ACBD5: variants seen among roughly 807,000 people sequenced by gnomAD.
ACBD5 encodes the protein acyl-CoA binding domain containing 5.
ACBD5 carries 40 observed loss-of-function variants against 71.8 expected under a neutral mutation model. The observed-to-expected ratio is 0.56, with a 90% CI of 0.43 to 0.72. The LOEUF (loss-of-function observed/expected upper bound fraction) is 0.72. Ranked by LOEUF, ACBD5 falls within the 30% of genes least tolerant of loss-of-function variation. The pLI is 0.00. For missense variants in ACBD5, 559 were observed against 644.5 expected, an observed-to-expected ratio of 0.87 and a Z score of 1.44; for synonymous variants, 229 against 218.6, an observed-to-expected ratio of 1.05 and a Z score of -0.42.
At chr10:27,191,126 G>A (rs1432047541), downstream of ACBD5, among the ~76,000 whole-genome samples, 2 of 152,134 alleles carry the variant, frequency 1.3e-5, no homozygotes, top group Non-Finnish European at 2.9e-5. Context: ...ATTATTCAGC[G>A]CTAAGAAGAA....
At chr10:27,189,757 A>C (rs946680502) in intron 13 of ACBD5, among the ~76,000 whole-genome samples, 8 of 108,584 alleles carry the variant, frequency 7.4e-5, no homozygotes, top group Non-Finnish European at 1.5e-4. Flanking sequence ...CTAGAACTTA[A>C]AGTATAATAA....
At chr10:27,188,127 A>G (rs1238530150) in intron 13 of ACBD5, among the ~76,000 whole-genome samples, 2 of 152,250 alleles carry the variant, frequency 1.3e-5, no homozygotes, top group African/African-American at 4.8e-5. Context: ...GGTTACAGTG[A>G]AAGATACACC....
At position 27,219,857 on chromosome 10, in the gene ACBD5, T is replaced by C; in HGVS notation, c.491A>G (p.Asp164Gly). The change falls in exon 6 of 13, where the codon GAT becomes GGT. Residue 164 changes from aspartate to glycine, a missense_variant and splice_region_variant. Physicochemically the swap from Asp to Gly is moderately conservative, Grantham distance 94. Coordinates refer to ENST00000396271, the MANE Select transcript of ACBD5 (RefSeq NM_145698.5). Reference sequence around the variant, plus strand: ...AGTAGAAGTGAGAACATTACCAAGATCTAAAACATGAAATGACCACTTACT... The same window carrying C: ...AGTAGAAGTGAGAACATTACCAAGACCTAAAACATGAAATGACCACTTACT... ...KSGRSSDITS[D>G]LGNVLTSTPN... 1 of 1,613,626 alleles carries C rather than the reference T, an allele frequency of 6.2e-7. No individual in the cohort carries two copies. The highest frequency in any genetic ancestry group is 8.5e-7 in the Non-Finnish European group (1 of 1,179,818).
rs1017459271 is a variant in ACBD5 at position 27,240,782 on chromosome 10, C to A, written c.-94G>T. ...TGGCGGAGCAGCCACACCCCCCATT[C>A]CGCCGGAGTCCGTCTGTCAGTCCGT... is the stretch of plus-strand genomic sequence containing the variant. On this transcript the variant is annotated 5_prime_UTR_variant, in exon 1 of 13. Coordinates refer to ENST00000396271, the MANE Select transcript of ACBD5 (RefSeq NM_145698.5). The surrounding 1 kb of genome is among the most constrained non-coding windows in gnomAD (Gnocchi z 4.1). The A allele has an allele frequency of 6.5e-7, 1 of 1,529,094 alleles. No individual in the cohort carries two copies. The highest frequency in any genetic ancestry group is 8.9e-7 in the Non-Finnish European group (1 of 1,128,768). 94.7% of individuals were successfully genotyped at this position (1,529,094 alleles called of 1,614,324 possible). A position where few individuals can be genotyped will look rare whatever the true frequency, so the allele number is the denominator to read the frequency against.
chr10:27,186,090 A>G (rs969085429), intron 13 of ACBD5, among the ~76,000 whole-genome samples: 2 of 152,052 alleles, frequency 1.3e-5, no homozygotes, highest in South Asian at 2.1e-4. Flanking sequence ...CCTCGTCTCA[A>G]AAAAAAAGCT....
chr10:27,217,557 G>A (rs1317628860), intron 7 of ACBD5, among the ~76,000 whole-genome samples: 1 of 152,216 alleles, frequency 6.6e-6, no homozygotes, highest in Non-Finnish European at 1.5e-5. Context: ...GCTCAAACCT[G>A]TAATCCTAGC....
chr10:27,240,824 C>G, upstream of ACBD5: 1 of 1,341,362 alleles, frequency 7.5e-7, no homozygotes, highest in Non-Finnish European at 1.0e-6. The surrounding 1 kb of genome is among the most constrained non-coding windows in gnomAD (Gnocchi z 4.1). Flanking sequence ...CCCACAGCCC[C>G]GCCCCAGAGT....
Position 27,222,593 on chromosome 10 carries a change from C to T in ACBD5, c.490+745G>A, listed in dbSNP as rs145770687. ...TGTTTGTTTTTTTCTTTTTTTGAGACAGCATCTCACTCTGTTGCTCAGGCC... is the reference window on the plus strand; with the variant it reads ...TGTTTGTTTTTTTCTTTTTTTGAGATAGCATCTCACTCTGTTGCTCAGGCC... On this transcript the variant is annotated intron_variant, in intron 5 of 12. Transcript: ENST00000396271. Among the ~76,000 whole-genome samples, 1,494 of 152,100 alleles carry T rather than the reference C, an allele frequency of 9.8e-3. 25 individuals carry two copies. The highest frequency in any genetic ancestry group is 0.034 in the African/African-American group (1,428 of 41,464).
Position 27,228,863 on chromosome 10 carries a change from G to A in ACBD5, c.375+2885C>T, listed in dbSNP as rs531331393. Reference sequence around the variant, plus strand: ...TGAGACAGATTATTGCCGTTACCCAGGCTGGAGTGCAGCGGCGCAATCTCG... The same window carrying A: ...TGAGACAGATTATTGCCGTTACCCAAGCTGGAGTGCAGCGGCGCAATCTCG... On this transcript the variant is annotated intron_variant, in intron 4 of 12. Coordinates refer to ENST00000396271, the MANE Select transcript of ACBD5 (RefSeq NM_145698.5). Among the ~76,000 whole-genome samples, 23 of 114,366 alleles carry A rather than the reference G, an allele frequency of 2.0e-4. 1 individual carries two copies. Among genetic ancestry groups the A allele is most frequent in the African/African-American group, 6.4e-4 (21 of 32,630 alleles). The allele number at this position is 114,366 out of a possible 152,430, so 75.0% of individuals were successfully genotyped here.
chr10:27,195,754 A>C lies in ACBD5; in HGVS notation c.*1676T>G, dbSNP rs556938405. The C allele has an allele frequency of 2.4e-6, 1 of 412,064 alleles. No individual in the cohort carries two copies. Among genetic ancestry groups the C allele is most frequent in the East Asian group, 7.1e-5 (1 of 14,142 alleles). The allele number at this position is 412,064 out of a possible 1,614,324, so 25.5% of individuals were successfully genotyped here. A position where few individuals can be genotyped will look rare whatever the true frequency, so the allele number is the denominator to read the frequency against. On this transcript the variant is annotated 3_prime_UTR_variant, in exon 13 of 13. Transcript: ENST00000396271. ...TAAAGTTATTTGAAAGAAAAAAATA[A>C]GGAAAAAGAGTTTGGGAAAAGTAAA...
chr10:27,226,188 G>A (rs890245213), intron 4 of ACBD5, among the ~76,000 whole-genome samples: 5 of 151,956 alleles, frequency 3.3e-5, no homozygotes, highest in African/African-American at 7.3e-5. Context: ...GAGGGTACAT[G>A]TGCAGGTTTG....
Position 27,210,851 on chromosome 10 carries a change from T to C in ACBD5, c.1167A>G (p.Gly389=), listed in dbSNP as rs773788953. The C allele has an allele frequency of 7.4e-6, 12 of 1,614,218 alleles. No homozygotes were observed. The East Asian group carries it at 2.2e-4, about 30-fold the overall frequency. The change falls in exon 9 of 13, where the codon GGA becomes GGG. Residue 389 remains glycine (G), a synonymous_variant. Coordinates refer to ENST00000396271, the MANE Select transcript of ACBD5 (RefSeq NM_145698.5). The stretch of plus-strand genomic sequence containing the variant: ...TAACATTAGAGAATTCGTCAGTTTC[T>C]CCGCCTCGCTTCTCCCGGTGTGGTG... ...SGAPHREKRG[G]ETDEFSNVRR...
intron 12 of ACBD5, among the ~76,000 whole-genome samples, chr10:27,201,961 T>C (rs1190459841): frequency 6.6e-6 from 1 of 152,160 alleles, no homozygotes; most frequent in African/African-American, 2.4e-5. Context: ...CACACATTTA[T>C]TGAGCACCTA....
At chr10:27,230,198 T>C (rs2026015) in intron 4 of ACBD5, among the ~76,000 whole-genome samples, 109,579 of 151,488 alleles carry the variant, frequency 0.72, 39,748 homozygotes, top group Non-Finnish European at 0.74. Flanking sequence ...GTTATTGACA[T>C]AGTTAATAGC....
At chr10:27,232,573 T>C (rs1041926328) in intron 3 of ACBD5, among the ~76,000 whole-genome samples, 1 of 152,188 alleles carries the variant, frequency 6.6e-6, no homozygotes, top group Non-Finnish European at 1.5e-5. Flanking sequence ...TGTGATCCAC[T>C]GTTTTGACCT....
At chr10:27,226,488 A>AC (rs2063042843) in intron 4 of ACBD5, among the ~76,000 whole-genome samples, 4 of 145,950 alleles carry the variant, frequency 2.7e-5, no homozygotes, top group South Asian at 2.2e-4. Context: ...ACACACACAC[A>AC]AGCAGACACA....
chr10:27,223,535 A>G, intron 4 of ACBD5, 83 bp from the exon 5 acceptor site: 1 of 997,908 alleles, frequency 1.0e-6, no homozygotes, highest in African/African-American at 1.6e-5. Flanking sequence ...CCTATTTCCA[A>G]TTTGTCAATA....
chr10:27,215,654 A>G lies in ACBD5; in HGVS notation c.830-13T>C. 1.3e-6 allele frequency: 2 copies of G among 1,563,200 alleles called. No individual in the cohort carries two copies. The highest frequency in any genetic ancestry group is 8.8e-7 in the Non-Finnish European group (1 of 1,135,440). ...TCATCATTTATATCTAAATATGAAC[A>G]AAAGTGCAGATAGGGTAATTATACT... is the stretch of plus-strand genomic sequence containing the variant. On this transcript the variant is annotated splice_polypyrimidine_tract_variant and intron_variant, in intron 7 of 12. Transcript: ENST00000396271.
intron 4 of ACBD5, among the ~76,000 whole-genome samples, chr10:27,226,449 T>TACACACACACAC (rs66967226): frequency 8.9e-5 from 12 of 135,050 alleles, no homozygotes; most frequent in African/African-American, 1.8e-4. Flanking sequence ...AGATACAGAC[T>TACACACACACAC]ACACACACAC....
Sources: gnomAD v4.1 joint callset for allele counts (sites outside exome capture counted in the v4.1 genomes callset) on GRCh38, gnomAD v4.1.1 for gene constraint, Gnocchi (gnomAD v3.1) non-coding constraint, MANE v1.5 for transcripts, NCBI Gene and HGNC (gene_info 2026-07-23, HGNC 2026-07-21) for gene names.